The following CDK2 variants were observed in gnomAD, a reference collection of about 807,000 sequenced individuals.
The protein encoded by CDK2 is cyclin dependent kinase 2.
A neutral mutation model predicts 35.0 loss-of-function variants in CDK2; 8 were observed. The ratio of observed to expected loss-of-function variants is 0.23; its 90% CI spans 0.13 to 0.41. The LOEUF is 0.41. CDK2 is among the 10% of genes least tolerant of loss of function. The pLI, the probability that CDK2 is intolerant of heterozygous loss-of-function variation, is 1.00. For synonymous variants in CDK2, 134 were observed against 137.7 expected, an observed-to-expected ratio of 0.97 and a Z score of 0.19; for missense variants, 201 against 367.1, an observed-to-expected ratio of 0.55 and a Z score of 3.70.
In CDK2 at chr12:55,972,113, T is replaced by C. The variant is rs1889493750; in HGVS notation, c.*488T>C. 6.4e-6 allele frequency: 1 copy of C among 155,504 alleles called. No individual in the cohort carries two copies. Among genetic ancestry groups the C allele is most frequent in the Admixed American group, 6.4e-5 (1 of 15,608 alleles). 9.6% of individuals were successfully genotyped at this position (155,504 alleles called of 1,614,324 possible). A position where few individuals can be genotyped will look rare whatever the true frequency, so the allele number is the denominator to read the frequency against. ...GAGGAGTCTATTTTAAAGAATTCGG[T>C]TGAAAAAATAGATCCAATCAGTTTA... On this transcript the variant is annotated 3_prime_UTR_variant, in exon 7 of 7. Transcript: ENST00000266970.
In CDK2 at chr12:55,966,849, A is replaced by G; in HGVS notation, c.-160A>G. On this transcript the variant is annotated 5_prime_UTR_variant, in exon 1 of 7. Transcript: ENST00000266970. ...GGCAACATTGTTTCAAGTTGGCCAA[A>G]TTGACAAGAGCGAGAGGTATACTGC... 1.2e-6 allele frequency: 1 copy of G among 846,720 alleles called. No individual in the cohort carries two copies. Among genetic ancestry groups the G allele is most frequent in the Non-Finnish European group, 1.7e-6 (1 of 572,884 alleles). The allele number at this position is 846,720 out of a possible 1,614,324, so 52.5% of individuals were successfully genotyped here.
intron 5 of CDK2, chr12:55,970,738 C>T (rs1379795668): frequency 2.9e-6 from 2 of 701,488 alleles, no homozygotes; most frequent in South Asian, 3.0e-5. Context: ...CTACCCCCTA[C>T]CCCGTGAGTG....
chr12:55,972,229 C>A lies in CDK2; in HGVS notation c.*604C>A, dbSNP rs1297507857. 6.6e-6 allele frequency: 1 copy of A among 152,348 alleles called. No individual in the cohort carries two copies. The highest frequency in any genetic ancestry group is 1.5e-5 in the Non-Finnish European group (1 of 68,162). The allele number at this position is 152,348 out of a possible 1,614,324, so 9.4% of individuals were successfully genotyped here. ...TGCAGAAAAATGATTGGCCCCAGTC[C>A]CCTTGTTTGTCCCTTCTACAGGCAT... On this transcript the variant is annotated 3_prime_UTR_variant, in exon 7 of 7. Transcript: ENST00000266970.
rs2069405 is a variant in CDK2, at chr12:55,969,214, C to A, written c.487-261C>A. Among the ~76,000 whole-genome samples, 1,284 of 151,928 alleles carry A rather than the reference C, an allele frequency of 8.5e-3. 58 individuals are homozygous for A. In the East Asian group the frequency reaches 0.15, roughly 18 times the overall value. ...ACCATCATGGGCAACATAGCGAGAC[C>A]CCATCTCTACAAATCTACAAAAAGA... On this transcript the variant is annotated intron_variant, in intron 4 of 6. Coordinates refer to ENST00000266970, the MANE Select transcript of CDK2 (RefSeq NM_001798.5).
Position 55,967,221 on chromosome 12 carries a change from G to C in CDK2, c.116+97G>C, listed in dbSNP as rs557458862. The C allele has an allele frequency of 1.8e-5, 15 of 849,482 alleles. No homozygotes were observed. The South Asian group carries it at 2.2e-4, about 12-fold the overall frequency. The allele number at this position is 849,482 out of a possible 1,614,324, so 52.6% of individuals were successfully genotyped here. A position where few individuals can be genotyped will look rare whatever the true frequency, so the allele number is the denominator to read the frequency against. On this transcript the variant is annotated intron_variant, in intron 1 of 6. Transcript: ENST00000266970. ...GGGTAGCCGTCCAGGGACCGGAAGA[G>C]AGCAGGGAGGGACTTCTTTAGAAGT... is the stretch of plus-strand genomic sequence containing the variant.
Position 55,969,585 on chromosome 12 carries a change from G to T in CDK2, c.588+9G>T. 1 of 1,551,832 alleles carries T rather than the reference G, an allele frequency of 6.4e-7. No individual in the cohort carries two copies. The highest frequency in any genetic ancestry group is 1.1e-5 in the South Asian group (1 of 87,156). On this transcript the variant is annotated intron_variant, in intron 5 of 6. Coordinates refer to ENST00000266970, the MANE Select transcript of CDK2 (RefSeq NM_001798.5). ...GCATCTTTGCTGAGATGGTATGGAG[G>T]CTTGCCCAAGTTCCACCCAGCCCCC...
chr12:55,970,500 A>T (rs2136460560), intron 5 of CDK2: 1 of 626,248 alleles, frequency 1.6e-6, no homozygotes. Flanking sequence ...CTTAAAGACC[A>T]TTAGCCTATA....
chr12:55,971,096 G>A lies in CDK2; in HGVS notation c.641G>A (p.Arg214Gln), dbSNP rs1889461214. ...PGDSEIDQLF[R>Q]IFRTLGTPDE... is the part of the protein sequence containing the mutation. ...GATTCTGAGATTGACCAGCTCTTCC[G>A]GATCTTTCGGACTCTGGGGACCCCA... is the stretch of plus-strand genomic sequence containing the variant. Residue 214 changes from arginine (R) to glutamine (Q), a missense_variant, in exon 6 of 7, where the codon CGG becomes CAG. Arg to Gln is a conservative substitution (Grantham distance 43). Transcript: ENST00000266970. 2 of 1,614,108 alleles carry A rather than the reference G, an allele frequency of 1.2e-6. No homozygotes were observed. The highest frequency in any genetic ancestry group is 1.7e-6 in the Non-Finnish European group (2 of 1,180,028).
At position 55,966,855 on chromosome 12, in the gene CDK2, A is replaced by T. The variant is rs1004841408; in HGVS notation, c.-154A>T. The T allele has an allele frequency of 1.2e-6, 1 of 838,002 alleles. No individual in the cohort carries two copies. Among genetic ancestry groups the T allele is most frequent in the Non-Finnish European group, 1.8e-6 (1 of 563,002 alleles). The allele number at this position is 838,002 out of a possible 1,614,324, so 51.9% of individuals were successfully genotyped here. On this transcript the variant is annotated 5_prime_UTR_variant, in exon 1 of 7. Transcript: ENST00000266970. Reference sequence around the variant, plus strand: ...ATTGTTTCAAGTTGGCCAAATTGACAAGAGCGAGAGGTATACTGCGTTCCA... The same window carrying T: ...ATTGTTTCAAGTTGGCCAAATTGACTAGAGCGAGAGGTATACTGCGTTCCA...
chr12:55,968,189 C>T lies in CDK2; in HGVS notation c.315+20C>T, dbSNP rs1445310857. The T allele has an allele frequency of 6.8e-6, 11 of 1,613,322 alleles. No individual in the cohort carries two copies. In the Admixed American group the frequency reaches 1.7e-4, roughly 24 times the overall value. On this transcript the variant is annotated intron_variant, in intron 3 of 6. Coordinates refer to ENST00000266970, the MANE Select transcript of CDK2 (RefSeq NM_001798.5). ...ATCAAGGTAATGCTTCTCATCAGCT[C>T]CTCTCATCATGGGCATGTCTTGGGG... is the stretch of plus-strand genomic sequence containing the variant.
chr12:55,969,876 T>C lies in CDK2; in HGVS notation c.588+300T>C, dbSNP rs1889429251. Reference sequence around the variant, plus strand: ...CATATATTTGGGAGAATGATTCCATTTAGTGCCTCTTTTATTTCAGGCCTT... The same window carrying C: ...CATATATTTGGGAGAATGATTCCATCTAGTGCCTCTTTTATTTCAGGCCTT... On this transcript the variant is annotated intron_variant, in intron 5 of 6. Coordinates refer to ENST00000266970, the MANE Select transcript of CDK2 (RefSeq NM_001798.5). 4 of 222,238 alleles carry C rather than the reference T, an allele frequency of 1.8e-5. No homozygotes were observed. In the Admixed American group the frequency reaches 2.3e-4, roughly 13 times the overall value. The allele number at this position is 222,238 out of a possible 1,614,324, so 13.8% of individuals were successfully genotyped here.
chr12:55,968,327 A>G lies in CDK2; in HGVS notation c.315+158A>G, dbSNP rs539865729. On this transcript the variant is annotated intron_variant, in intron 3 of 6. Transcript: ENST00000266970. ...TTTTGTGTCTCCTTCCCTGCTCATT[A>G]TATTCATTAACCCTAGGGTTGGACT... 150 of 722,970 alleles carry G rather than the reference A, an allele frequency of 2.1e-4. No homozygotes were observed. In the African/African-American group the frequency reaches 2.5e-3, roughly 12 times the overall value. The allele number at this position is 722,970 out of a possible 1,614,324, so 44.8% of individuals were successfully genotyped here.
At chr12:55,967,820 ACCATATTC>A in intron 1 of CDK2, 29 bp from the exon 2 acceptor site, 1 of 1,522,122 alleles carries the variant, frequency 6.6e-7, no homozygotes. Context: ...AATATTTGTA[ACCATATTC>A]CCATCTCTGC....
At chr12:55,970,989 GAGTT>G (rs1276625576) in intron 5 of CDK2, 51 bp from the exon 6 acceptor site, 1 of 1,466,588 alleles carries the variant, frequency 6.8e-7, no homozygotes, top group South Asian at 1.1e-5. Flanking sequence ...GTATAGAGGA[GAGTT>G]TTGACTGACG....
chr12:55,969,076 G>A (rs1181806800), intron 4 of CDK2, 128 bp downstream of exon 4: 1 of 684,722 alleles, frequency 1.5e-6, no homozygotes, highest in South Asian at 2.3e-5. Context: ...ACATCCTAAA[G>A]AGTCTTAGGG....
chr12:55,969,353 A>G, intron 4 of CDK2, 122 bp from the exon 5 acceptor site: 1 of 504,712 alleles, frequency 2.0e-6, no homozygotes, highest in Non-Finnish European at 3.6e-6. Flanking sequence ...GGGAAAGATG[A>G]TGGAGGGAAG....
Position 55,967,872 on chromosome 12 carries a change from G to A in CDK2, c.132G>A (p.Val44=). ...CCTCTCCAAGTGAGACTGAGGGTGT[G>A]CCCAGTACTGCCATCCGAGAGATCT... ...KIRLDTETEG[V]PSTAIREISL... is the part of the protein sequence containing the mutation. The change falls in exon 2 of 7, where the codon GTG becomes GTA. Residue 44 remains valine (V), a synonymous_variant. Coordinates refer to ENST00000266970, the MANE Select transcript of CDK2 (RefSeq NM_001798.5). 6.2e-7 allele frequency: 1 copy of A among 1,613,910 alleles called. No homozygotes were observed. Among genetic ancestry groups the A allele is most frequent in the East Asian group, 2.2e-5 (1 of 44,882 alleles).
At chr12:55,969,413 T>G (rs1592783908) in intron 4 of CDK2, 62 bp from the exon 5 acceptor site, 1 of 840,198 alleles carries the variant, frequency 1.2e-6, no homozygotes, top group African/African-American at 1.7e-5. Flanking sequence ...GTTGAGGAAC[T>G]GAGATGCGGG....
chr12:55,970,455 GTTTTATTGTC>G (rs970530852), intron 5 of CDK2: 5 of 598,608 alleles, frequency 8.4e-6, no homozygotes, highest in Non-Finnish European at 1.5e-5. Context: ...TCAGCAATAT[GTTTTATTGTC>G]TTTTATCTTG....
Sources: gnomAD v4.1 joint callset for allele counts (sites outside exome capture counted in the v4.1 genomes callset) on GRCh38, gnomAD v4.1.1 for gene constraint, MANE v1.5 for transcripts, NCBI Gene and HGNC (gene_info 2026-07-23, HGNC 2026-07-21) for gene names.